The following GRIP1 variants were observed in gnomAD, a reference collection of about 807,000 sequenced individuals.
GRIP1 encodes glutamate receptor-interacting protein 1.
GRIP1 carries 45 observed loss-of-function variants against 129.9 expected under a neutral mutation model. The observed-to-expected ratio is 0.35, with a 90% CI of 0.27 to 0.44. The LOEUF (loss-of-function observed/expected upper bound fraction) is 0.44, where lower values mean the gene tolerates loss of function less well. Among genes scored for constraint, GRIP1 ranks in the 20% least tolerant of loss-of-function variants. GRIP1 has a pLI of 1.00. For missense variants in GRIP1, 1,196 were observed against 1,396.8 expected (o/e 0.86, Z 2.29); for synonymous variants, 530 against 520.8 (o/e 1.02, Z -0.24).
In GRIP1 at chr12:66,447,491, T is replaced by C. The variant is rs184639066; in HGVS notation, c.1355-1983A>G. On this transcript the variant is annotated intron_variant, in intron 11 of 24. Coordinates refer to ENST00000359742, the MANE Select transcript of GRIP1 (RefSeq NM_001366722.1). Reference sequence around the variant, plus strand: ...TGGTCAAATGTTACTCCTCATTTCCTATAAGACTGAAAAGATGCAACCCTT... The same window carrying C: ...TGGTCAAATGTTACTCCTCATTTCCCATAAGACTGAAAAGATGCAACCCTT... Among the ~76,000 whole-genome samples the C allele has an allele frequency of 1.5e-3, 232 of 152,334 alleles. 1 individual carries two copies. Among genetic ancestry groups the C allele is most frequent in the African/African-American group, 5.3e-3 (219 of 41,562 alleles).
intron 2 of GRIP1, among the ~76,000 whole-genome samples, chr12:66,545,874 G>A (rs1592525100): frequency 1.3e-5 from 2 of 152,150 alleles, no homozygotes; most frequent in African/African-American, 2.4e-5. Context: ...AAATTCTTAG[G>A]TGTACAAGTA....
chr12:67,008,305 ATTCT>A (rs1213481095), intron 1 of GRIP1, among the ~76,000 whole-genome samples: 1 of 152,200 alleles, frequency 6.6e-6, no homozygotes, highest in African/African-American at 2.4e-5. Flanking sequence ...GAAATAGCTG[ATTCT>A]TTGGGGAAAA....
chr12:66,508,232 C>T (rs1389062398), intron 7 of GRIP1, among the ~76,000 whole-genome samples: 1 of 152,126 alleles, frequency 6.6e-6, no homozygotes, highest in East Asian at 1.9e-4. Context: ...ACACATACCG[C>T]TTAATGATGA....
chr12:66,796,322 G>A (rs1462554023), intron 1 of GRIP1, among the ~76,000 whole-genome samples: 1 of 141,566 alleles, frequency 7.1e-6, no homozygotes, highest in Non-Finnish European at 1.5e-5. Context: ...AAATGGATTC[G>A]GAATTAAAAA....
chr12:66,649,137 TA>T (rs1482657499), intron 1 of GRIP1, among the ~76,000 whole-genome samples: 7 of 152,188 alleles, frequency 4.6e-5, no homozygotes, highest in African/African-American at 1.7e-4. Flanking sequence ...GTATATCAAA[TA>T]AAATTGCAGA....
intron 22 of GRIP1, 144 bp from the exon 23 acceptor site, chr12:66,372,071 T>A: frequency 1.5e-6 from 1 of 684,320 alleles, no homozygotes. Flanking sequence ...ATGGATGTAC[T>A]AATTGAACTA....
rs545499744 is a variant in GRIP1, at chr12:66,964,917, C to T, written c.58+104133G>A. Among the ~76,000 whole-genome samples the T allele has an allele frequency of 3.9e-5, 6 of 152,192 alleles. No individual in the cohort carries two copies. The South Asian group carries it at 8.3e-4, about 21-fold the overall frequency. ...CCTCATATGGTCTTTCCTCTTTACA[C>T]GGATGTTTCTGGTGTCTCTTTGTGT... is the stretch of plus-strand genomic sequence containing the variant. On this transcript the variant is annotated intron_variant, in intron 1 of 1. Coordinates refer to the GRIP1 transcript ENST00000643019.
chr12:66,517,200 T>G (rs942975338), intron 6 of GRIP1, among the ~76,000 whole-genome samples: 1 of 152,154 alleles, frequency 6.6e-6, no homozygotes, highest in Non-Finnish European at 1.5e-5. Context: ...CCCATCATTA[T>G]AGAGTCAACT....
chr12:66,725,368 GAT>G lies in GRIP1; in HGVS notation c.-420+78683_-420+78684del, dbSNP rs568270826. Among the ~76,000 whole-genome samples, 229 of 152,114 alleles carry G rather than the reference GAT, an allele frequency of 1.5e-3. 1 individual carries two copies. Among genetic ancestry groups the G allele is most frequent in the African/African-American group, 5.4e-3 (222 of 41,488 alleles). ...ATACATGAACATTATATAATGTAAT[GAT>G]AAACACTAACAAAATTTTAAGAATA... is the stretch of plus-strand genomic sequence containing the variant. On this transcript the variant is annotated intron_variant, in intron 1 of 4. Transcript: ENST00000538373.
chr12:66,797,578 G>A (rs1351261165), intron 1 of GRIP1, among the ~76,000 whole-genome samples: 2 of 152,176 alleles, frequency 1.3e-5, no homozygotes, highest in African/African-American at 4.8e-5. Context: ...TTTATGGAAA[G>A]AATATAGTTT....
intron 1 of GRIP1, among the ~76,000 whole-genome samples, chr12:66,878,749 T>C (rs1286439236): frequency 1.3e-5 from 2 of 151,794 alleles, no homozygotes; most frequent in Admixed American, 6.6e-5. Flanking sequence ...CAGAATAAGA[T>C]AAACAAGAAA....
chr12:66,568,151 T>C, intron 2 of GRIP1: 1 of 284,408 alleles, frequency 3.5e-6, no homozygotes, highest in Non-Finnish European at 7.0e-6. Context: ...AACTGGTCCT[T>C]CTAAAACTAG....
intron 1 of GRIP1, among the ~76,000 whole-genome samples, chr12:66,994,039 G>C (rs557157155): frequency 2.0e-5 from 3 of 152,006 alleles, no homozygotes; most frequent in African/African-American, 4.8e-5. Flanking sequence ...CCAAAGAAAA[G>C]CCCAGGCTTA....
intron 2 of GRIP1, among the ~76,000 whole-genome samples, chr12:66,588,631 G>A (rs866953048): frequency 6.6e-5 from 10 of 152,050 alleles, no homozygotes; most frequent in African/African-American, 1.7e-4. Flanking sequence ...AAGGTCTACC[G>A]TTTTCTAGCC....
intron 7 of GRIP1, among the ~76,000 whole-genome samples, chr12:66,479,008 C>A (rs1398571905): frequency 6.6e-6 from 1 of 150,964 alleles, no homozygotes; most frequent in Non-Finnish European, 1.5e-5. Flanking sequence ...TGCACATGTA[C>A]CCTAGAACCT....
At chr12:67,011,104 A>G (rs2042700243) in intron 1 of GRIP1, among the ~76,000 whole-genome samples, 1 of 152,142 alleles carries the variant, frequency 6.6e-6, no homozygotes, top group South Asian at 2.1e-4. Context: ...TCTTCTTGAC[A>G]TTTGTACTTA....
intron 14 of GRIP1, among the ~76,000 whole-genome samples, chr12:66,422,086 A>T (rs960042604): frequency 2.0e-5 from 3 of 152,172 alleles, no homozygotes; most frequent in Non-Finnish European, 4.4e-5. Context: ...TTTTATTATA[A>T]ACAGTCTGAT....
rs146350056 is a variant in GRIP1, at chr12:66,789,714, C to T, written c.-420+14339G>A. On this transcript the variant is annotated intron_variant, in intron 1 of 4. Transcript: ENST00000538373. The stretch of plus-strand genomic sequence containing the variant: ...CTGTTTTGATCACTCTTTTCAAAAC[C>T]ATGCAATCCGAATTACTTCTCCCTT... Among the ~76,000 whole-genome samples the T allele has an allele frequency of 2.0e-5, 3 of 152,070 alleles. No individual in the cohort carries two copies. In the East Asian group the frequency reaches 5.8e-4, roughly 29 times the overall value.
chr12:67,061,021 T>C lies in GRIP1; in HGVS notation c.58+8029A>G, dbSNP rs2043524680. Among the ~76,000 whole-genome samples, 3 of 152,248 alleles carry C rather than the reference T, an allele frequency of 2.0e-5. No homozygotes were observed. In the East Asian group the frequency reaches 5.8e-4, roughly 29 times the overall value. ...CCACTCAGTATTTGAGCTGGACTTT[T>C]CCAGCTGCAGCCAGAAATGAGGCTG... On this transcript the variant is annotated intron_variant, in intron 1 of 1. Transcript: ENST00000643019.
Sources: gnomAD v4.1 joint callset for allele counts (sites outside exome capture counted in the v4.1 genomes callset) on GRCh38, gnomAD v4.1.1 for gene constraint, MANE v1.5 for transcripts, NCBI Gene and HGNC (gene_info 2026-07-23, HGNC 2026-07-21) for gene names.